Variants in VGLL4 observed in about 807,000 individuals in gnomAD.
The protein encoded by VGLL4 is vestigial like family member 4.
In VGLL4, 7 loss-of-function variants were observed where a neutral mutation model predicts 21.0. The ratio of observed to expected loss-of-function variants is 0.33; its 90% CI spans 0.19 to 0.63. VGLL4 has a LOEUF of 0.63. VGLL4 is among the 20% of genes least tolerant of loss of function. VGLL4 has a pLI of 0.78. For synonymous variants in VGLL4, 222 were observed against 173.2 expected (o/e 1.28, Z -2.21); for missense variants, 394 against 425.7 (o/e 0.93, Z 0.66).
chr3:11,708,731 T>C (rs1455615217), intron 1 of VGLL4, among the ~76,000 whole-genome samples: 1 of 152,170 alleles, frequency 6.6e-6, no homozygotes, highest in African/African-American at 2.4e-5. Flanking sequence ...CTTATTTCTG[T>C]GGTAGTTTTG....
intron 2 of VGLL4, among the ~76,000 whole-genome samples, chr3:11,689,227 A>G (rs903510699): frequency 1.3e-5 from 2 of 152,038 alleles, no homozygotes; most frequent in African/African-American, 4.8e-5. Context: ...TAATAAATGC[A>G]TCTTCTTTTC....
At chr3:11,718,367 G>C (rs770617689) in intron 1 of VGLL4, among the ~76,000 whole-genome samples, 8 of 152,170 alleles carry the variant, frequency 5.3e-5, no homozygotes, top group Non-Finnish European at 1.2e-4. Flanking sequence ...GGGACTTAGA[G>C]ATAATAAATA....
chr3:11,681,686 G>C (rs2076373244), intron 2 of VGLL4, among the ~76,000 whole-genome samples: 1 of 152,228 alleles, frequency 6.6e-6, no homozygotes, highest in African/African-American at 2.4e-5. Flanking sequence ...AATATAATTT[G>C]TAATATCTTT....
intron 2 of VGLL4, among the ~76,000 whole-genome samples, chr3:11,689,537 A>T (rs1361042244): frequency 6.6e-6 from 1 of 152,196 alleles, no homozygotes; most frequent in African/African-American, 2.4e-5. Context: ...ACAGCAGCTC[A>T]AATCTCTTTG....
intron 2 of VGLL4, among the ~76,000 whole-genome samples, chr3:11,684,758 A>T (rs2076422359): frequency 1.5e-5 from 1 of 68,220 alleles, no homozygotes; most frequent in African/African-American, 4.6e-5. Flanking sequence ...GTGTGTGTGT[A>T]AACAGAAAAG....
At chr3:11,563,242 C>T (rs1559857350) in intron 3 of VGLL4, among the ~76,000 whole-genome samples, 1 of 152,318 alleles carries the variant, frequency 6.6e-6, no homozygotes, top group African/African-American at 2.4e-5. Flanking sequence ...GCTGAATCCT[C>T]CCCTCCATAC....
intron 1 of VGLL4, among the ~76,000 whole-genome samples, chr3:11,640,809 C>T (rs1439593475): frequency 6.6e-6 from 1 of 152,096 alleles, no homozygotes; most frequent in African/African-American, 2.4e-5. Flanking sequence ...TATTAAGTCA[C>T]AAGAGAGGTT....
chr3:11,593,988 A>G (rs993201365), intron 2 of VGLL4, among the ~76,000 whole-genome samples: 5 of 152,202 alleles, frequency 3.3e-5, no homozygotes, highest in African/African-American at 1.2e-4. Context: ...GCCGGGGGCA[A>G]ATACACTGTA....
chr3:11,575,010 A>G (rs575976420), intron 2 of VGLL4, among the ~76,000 whole-genome samples: 22 of 152,220 alleles, frequency 1.4e-4, no homozygotes, highest in Admixed American at 1.4e-3. Context: ...AAAGCCGCAG[A>G]TCTTTTCATT....
At chr3:11,697,678 T>G (rs922198821) in intron 2 of VGLL4, among the ~76,000 whole-genome samples, 1 of 152,140 alleles carries the variant, frequency 6.6e-6, no homozygotes, top group African/African-American at 2.4e-5. Context: ...TTTGCTTTCC[T>G]TTTTTTAAGG....
intron 2 of VGLL4, among the ~76,000 whole-genome samples, chr3:11,659,326 CTTTTTTT>C (rs5846714): frequency 4.1e-4 from 29 of 70,832 alleles, no homozygotes; most frequent in African/African-American, 1.1e-3. Context: ...TTTTCTTTTT[CTTTTTTT>C]TTTTTTTTTT....
chr3:11,709,995 C>T (rs1294851184), intron 1 of VGLL4, among the ~76,000 whole-genome samples: 1 of 152,204 alleles, frequency 6.6e-6, no homozygotes. Context: ...CCTCAGGAAG[C>T]TTCCAATCAT....
intron 2 of VGLL4, among the ~76,000 whole-genome samples, chr3:11,590,879 A>G (rs555863840): frequency 4.0e-4 from 61 of 152,318 alleles, no homozygotes; most frequent in African/African-American, 1.4e-3. Context: ...GGAAAATAAA[A>G]GAACCATCAA....
upstream of VGLL4, chr3:11,721,243 G>A (rs1276636758): frequency 6.6e-6 from 1 of 152,198 alleles, no homozygotes; most frequent in Non-Finnish European, 1.5e-5. Flanking sequence ...TTTCCCATCT[G>A]TTGCCTCATC....
chr3:11,651,600 TTC>T (rs1277198529), intron 2 of VGLL4, among the ~76,000 whole-genome samples: 1 of 152,014 alleles, frequency 6.6e-6, no homozygotes, highest in Non-Finnish European at 1.5e-5. Flanking sequence ...ATAAGATAGT[TTC>T]TGTGTCTGTC....
At chr3:11,650,963 TTGTA>T (rs1478399093) in intron 2 of VGLL4, among the ~76,000 whole-genome samples, 2 of 152,200 alleles carry the variant, frequency 1.3e-5, no homozygotes, top group African/African-American at 4.8e-5. Context: ...ATGGTGGTGT[TTGTA>T]AAACACTACA....
At chr3:11,589,449 A>C (rs1310080101) in intron 2 of VGLL4, among the ~76,000 whole-genome samples, 1 of 152,128 alleles carries the variant, frequency 6.6e-6, no homozygotes, top group Non-Finnish European at 1.5e-5. Context: ...TCATGTTCAT[A>C]CTTAAACTTT....
intron 2 of VGLL4, among the ~76,000 whole-genome samples, chr3:11,573,963 G>A (rs897462245): frequency 6.6e-6 from 1 of 152,134 alleles, no homozygotes; most frequent in African/African-American, 2.4e-5. Context: ...CACATACGGA[G>A]GGAAGAAGAT....
chr3:11,691,740 T>C (rs2076529721), intron 2 of VGLL4, among the ~76,000 whole-genome samples: 1 of 152,012 alleles, frequency 6.6e-6, no homozygotes. Context: ...AAGCTGGTGG[T>C]AGTGCTGGGC....
Sources: gnomAD v4.1 joint callset for allele counts (sites outside exome capture counted in the v4.1 genomes callset) on GRCh38, gnomAD v4.1.1 for gene constraint, MANE v1.5 for transcripts, NCBI Gene and HGNC (gene_info 2026-07-23, HGNC 2026-07-21) for gene names.